Variants in SFI1 observed in about 807,000 individuals in gnomAD.
SFI1 encodes SFI1 centrin binding protein, also known as protein SFI1 homolog.
SFI1 carries 195 observed loss-of-function variants against 207.5 expected under a neutral mutation model. The observed-to-expected ratio is 0.94, with a 90% confidence interval of 0.84 to 1.06. SFI1 has a LOEUF of 1.06. Among genes scored for constraint, SFI1 ranks in the 50% least tolerant of loss-of-function variants. The pLI, the probability that SFI1 is intolerant of heterozygous loss-of-function variation, is 0.00. For synonymous variants in SFI1, 630 were observed against 598.9 expected, an observed-to-expected ratio of 1.05 and a Z score of -0.76; for missense variants, 1,634 against 1,588.0, an observed-to-expected ratio of 1.03 and a Z score of -0.49.
At chr22:31,611,933 A>AGT in intron 24 of SFI1, 93 bp downstream of exon 24, 1 of 1,531,412 alleles carries the variant, frequency 6.5e-7, no homozygotes, top group Non-Finnish European at 8.8e-7. Context: ...CTACACCTCT[A>AGT]GTTCAGTATT....
intron 15 of SFI1, among the ~76,000 whole-genome samples, chr22:31,594,016 GAGAGGGAGAGGGA>G (rs2066653343): frequency 6.8e-6 from 1 of 147,434 alleles, no homozygotes; most frequent in Non-Finnish European, 1.5e-5. Context: ...CAGGGAGAGG[GAGAGGGAGAGGGA>G]GGTGTCCATC....
At position 31,549,922 on chromosome 22, in the gene SFI1, GTTGT is replaced by G. The variant is rs537425060; in HGVS notation, c.450-313_450-310del. Among the ~76,000 whole-genome samples, 546 of 151,156 alleles carry G rather than the reference GTTGT, an allele frequency of 3.6e-3. 2 individuals carry two copies. Among genetic ancestry groups the G allele is most frequent in the African/African-American group, 0.012 (493 of 41,174 alleles). On this transcript the variant is annotated intron_variant, in intron 5 of 32. Coordinates refer to ENST00000400288, the MANE Select transcript of SFI1 (RefSeq NM_001007467.3). ...TTGGGTTAGGAGTTGTTTTGTTGTT[GTTGT>G]TTGTTTGTTTGTTTGTTTCTTGAGA...
rs1280086198 is a variant in SFI1, at chr22:31,618,342, A to C, written c.3653A>C (p.Glu1218Ala). The C allele has an allele frequency of 6.2e-7, 1 of 1,609,746 alleles. No individual in the cohort carries two copies. Among genetic ancestry groups the C allele is most frequent in the East Asian group, 2.2e-5 (1 of 44,754 alleles). ...GAAATGCAGATCCAGCTGCTGGCAG[A>C]GGAGCTCCAGGCTCAGCGCCAGCCC... ...QVEMQIQLLA[E>A]ELQAQRQPIG... Residue 1218 changes from glutamate to alanine, a missense_variant, in exon 33 of 33, where the codon GAG becomes GCG. Physicochemically the swap from Glu to Ala is moderately radical, Grantham distance 107. Coordinates refer to ENST00000400288, the MANE Select transcript of SFI1 (RefSeq NM_001007467.3).
At chr22:31,566,062 G>A (rs970300957) in intron 8 of SFI1, among the ~76,000 whole-genome samples, 2 of 151,446 alleles carry the variant, frequency 1.3e-5, no homozygotes, top group Non-Finnish European at 2.9e-5. Flanking sequence ...CTGATGGACT[G>A]TTGACTTCCT....
intron 8 of SFI1, among the ~76,000 whole-genome samples, chr22:31,564,899 C>G (rs534075759): frequency 1.4e-5 from 2 of 145,940 alleles, no homozygotes; most frequent in Admixed American, 7.1e-5. Flanking sequence ...CTGCAAGCTC[C>G]GCCTCCCGGG....
At chr22:31,503,147 G>A (rs1428463436) in intron 1 of SFI1, among the ~76,000 whole-genome samples, 1 of 151,918 alleles carries the variant, frequency 6.6e-6, no homozygotes, top group East Asian at 1.9e-4. Context: ...TTCACTTTAG[G>A]GTAATCTAGG....
chr22:31,582,232 ATATATTTTTTTTTTTTTT>A (rs2064377822), intron 12 of SFI1, among the ~76,000 whole-genome samples: 3 of 25,996 alleles, frequency 1.2e-4, no homozygotes, highest in African/African-American at 4.9e-4. Context: ...ATATATATAT[ATATATTTTTTTTTTTTTT>A]TTTTTTTTTT....
chr22:31,508,994 A>C (rs917923279), intron 2 of SFI1, among the ~76,000 whole-genome samples: 1 of 152,140 alleles, frequency 6.6e-6, no homozygotes, highest in African/African-American at 2.4e-5. Context: ...TTTATCGTGA[A>C]TGTTAATGGA....
chr22:31,582,382 G>T (rs1403225068), intron 12 of SFI1, among the ~76,000 whole-genome samples: 1 of 148,550 alleles, frequency 6.7e-6, no homozygotes, highest in Non-Finnish European at 1.5e-5. Flanking sequence ...CTCCCAGGTA[G>T]CTGGGACTAC....
At chr22:31,501,445 C>G (rs569375497) in intron 1 of SFI1, among the ~76,000 whole-genome samples, 1 of 152,262 alleles carries the variant, frequency 6.6e-6, no homozygotes, top group South Asian at 2.1e-4. Context: ...GCTGGGATTA[C>G]AGGCGTGAGT....
chr22:31,598,408 T>C (rs1019513537), intron 15 of SFI1, among the ~76,000 whole-genome samples: 1 of 152,006 alleles, frequency 6.6e-6, no homozygotes, highest in African/African-American at 2.4e-5. Flanking sequence ...AGGTAACCAG[T>C]ATTCTGATTT....
At chr22:31,539,501 C>T (rs2059286290) in intron 4 of SFI1, among the ~76,000 whole-genome samples, 1 of 152,060 alleles carries the variant, frequency 6.6e-6, no homozygotes, top group Admixed American at 6.6e-5. Flanking sequence ...CTTTTGTTCT[C>T]TGCATGTTTC....
rs546933498 is a variant in SFI1, at chr22:31,613,703, A to G, written c.2844A>G (p.Ala948=). 3.1e-6 allele frequency: 5 copies of G among 1,612,424 alleles called. No individual in the cohort carries two copies. In the South Asian group the frequency reaches 5.5e-5, roughly 18 times the overall value. ...AGCCTCAGCCCCTGGCAGCCATCGC[A>G]CCCAGCAGGAAAGTGACGTTTGAGG... ...GGKPQPLAAI[A]PSRKVTFEGP... Residue 948 remains alanine (A), a synonymous_variant, in exon 27 of 33, where the codon GCA becomes GCG. Transcript: ENST00000400288.
chr22:31,611,287 AGT>A lies in SFI1; in HGVS notation c.2404_2405del (p.Val802GlnfsTer154). ...GCCCGGTGGAAGACGCACCATCTGC[AGT>A]GTGTCAGGAAGAGGGTGAGGCTGAC... On this transcript the variant is annotated frameshift_variant, in exon 23 of 33. Transcript: ENST00000400288. LOFTEE classifies it high-confidence loss of function. The A allele has an allele frequency of 6.2e-7, 1 of 1,607,796 alleles. No individual in the cohort carries two copies. Among genetic ancestry groups the A allele is most frequent in the Non-Finnish European group, 8.5e-7 (1 of 1,176,414 alleles).
At chr22:31,506,709 C>A (rs5753663) in intron 1 of SFI1, among the ~76,000 whole-genome samples, 7,823 of 152,096 alleles carry the variant, frequency 0.051, 532 homozygotes, top group East Asian at 0.37. Context: ...TTCCTGTACA[C>A]CAACAACAGG....
intron 15 of SFI1, among the ~76,000 whole-genome samples, chr22:31,599,400 C>G (rs1429252780): frequency 6.6e-6 from 1 of 151,984 alleles, no homozygotes; most frequent in Non-Finnish European, 1.5e-5. Context: ...AATCTCGGCT[C>G]ACTGCAATCT....
chr22:31,506,254 G>GC (rs1172197606), intron 1 of SFI1, among the ~76,000 whole-genome samples: 1 of 151,970 alleles, frequency 6.6e-6, no homozygotes, highest in Non-Finnish European at 1.5e-5. Flanking sequence ...TCCCATGTTG[G>GC]GCAGGCTGGT....
intron 29 of SFI1, chr22:31,615,608 G>T (rs532931578): frequency 3.9e-6 from 1 of 256,004 alleles, no homozygotes; most frequent in Non-Finnish European, 7.3e-6. Flanking sequence ...GAGAAGAGTA[G>T]GAAGTCGGGG....
chr22:31,534,960 G>A (rs1280860004), intron 4 of SFI1, among the ~76,000 whole-genome samples: 2 of 148,866 alleles, frequency 1.3e-5, no homozygotes, highest in African/African-American at 2.5e-5. Context: ...TGCAACCTCC[G>A]CCTCCTGAGT....
Sources: gnomAD v4.1 joint callset for allele counts (sites outside exome capture counted in the v4.1 genomes callset) on GRCh38, gnomAD v4.1.1 for gene constraint, MANE v1.5 for transcripts, NCBI Gene and HGNC (gene_info 2026-07-23, HGNC 2026-07-21) for gene names.